Variants in AHCYL2 observed in about 807,000 individuals in gnomAD.
The protein encoded by AHCYL2 is S-adenosylhomocysteine hydrolase-like protein 2.
Under a neutral mutation model 81.4 loss-of-function variants are expected in AHCYL2, and 28 were observed. The ratio of observed to expected loss-of-function variants is 0.34; its 90% CI spans 0.25 to 0.47. The LOEUF (loss-of-function observed/expected upper bound fraction) is 0.47. AHCYL2 is among the 20% of genes least tolerant of loss of function. AHCYL2 has a pLI of 1.00. For missense variants in AHCYL2, 551 were observed against 785.1 expected (o/e 0.70, Z 3.56); for synonymous variants, 272 against 290.2 (o/e 0.94, Z 0.64).
chr7:129,225,460 C>T (rs759331688), intron 1 of AHCYL2, 21 bp downstream of exon 1: 1 of 1,490,180 alleles, frequency 6.7e-7, no homozygotes, highest in African/African-American at 1.4e-5. Context: ...CGGGCTGCCT[C>T]TCTAGGAGAG....
At chr7:129,276,374 C>T (rs901730421) in intron 1 of AHCYL2, among the ~76,000 whole-genome samples, 1 of 151,000 alleles carries the variant, frequency 6.6e-6, no homozygotes. Context: ...TAGTATTTGA[C>T]TGAGAAGTTA....
chr7:129,295,623 A>G (rs569787144), intron 1 of AHCYL2, among the ~76,000 whole-genome samples: 23 of 152,340 alleles, frequency 1.5e-4, no homozygotes, highest in African/African-American at 4.6e-4. Flanking sequence ...TCAACAATCA[A>G]CATACAGTAG....
intron 4 of AHCYL2, among the ~76,000 whole-genome samples, chr7:129,392,058 C>T (rs1203363102): frequency 6.6e-6 from 1 of 151,878 alleles, no homozygotes; most frequent in Non-Finnish European, 1.5e-5. Flanking sequence ...TGTTTTTTAC[C>T]CTTAGGCTCA....
intron 1 of AHCYL2, among the ~76,000 whole-genome samples, chr7:129,304,465 T>C (rs547811327): frequency 5.1e-4 from 78 of 152,384 alleles, no homozygotes; most frequent in African/African-American, 1.6e-3. Flanking sequence ...ATCTGTCCGA[T>C]GCTGAAAATG....
chr7:129,290,177 T>C lies in AHCYL2; in HGVS notation c.363+64738T>C, dbSNP rs577105189. Among the ~76,000 whole-genome samples the C allele has an allele frequency of 1.6e-4, 24 of 152,272 alleles. 1 individual carries two copies. The East Asian group carries it at 1.9e-3, about 12-fold the overall frequency. ...TGCGTGGCTTTCAATAAATGTCAAA[T>C]GAATGAGTTGATATTCTGAGCAGCA... On this transcript the variant is annotated intron_variant, in intron 1 of 16. Coordinates refer to ENST00000325006, the MANE Select transcript of AHCYL2 (RefSeq NM_015328.4).
intron 10 of AHCYL2, among the ~76,000 whole-genome samples, chr7:129,407,338 C>G (rs1191858927): frequency 1.3e-5 from 2 of 152,062 alleles, no homozygotes; most frequent in Non-Finnish European, 2.9e-5. Context: ...GGTGACCCAG[C>G]AAGACCATGT....
intron 7 of AHCYL2, 105 bp from the exon 8 acceptor site, chr7:129,404,992 T>C (rs113500122): frequency 3.3e-6 from 2 of 613,702 alleles, no homozygotes; most frequent in African/African-American, 1.9e-5. Flanking sequence ...TCATGTCTCA[T>C]GGTCTCATGC....
intron 1 of AHCYL2, among the ~76,000 whole-genome samples, chr7:129,232,520 C>G (rs980689967): frequency 6.6e-6 from 1 of 152,174 alleles, no homozygotes; most frequent in African/African-American, 2.4e-5. Flanking sequence ...GGCCTAAACA[C>G]CATGCCTCAC....
intron 1 of AHCYL2, among the ~76,000 whole-genome samples, chr7:129,342,384 A>G (rs1333023907): frequency 1.3e-5 from 2 of 152,160 alleles, no homozygotes; most frequent in Non-Finnish European, 2.9e-5. Flanking sequence ...TTAAAAATAT[A>G]TGGGTAGGGA....
At chr7:129,327,546 A>T (rs1279920655) in intron 1 of AHCYL2, among the ~76,000 whole-genome samples, 1 of 152,098 alleles carries the variant, frequency 6.6e-6, no homozygotes, top group African/African-American at 2.4e-5. Flanking sequence ...GGCTTACTGC[A>T]ACCTCTGCCT....
At chr7:129,387,924 T>G (rs1041005099) in intron 2 of AHCYL2, among the ~76,000 whole-genome samples, 2 of 152,218 alleles carry the variant, frequency 1.3e-5, no homozygotes, top group African/African-American at 4.8e-5. Flanking sequence ...CCAAATGGTT[T>G]GTAGTGCCAT....
chr7:129,414,382 A>G (rs899987913), intron 12 of AHCYL2, among the ~76,000 whole-genome samples: 1 of 151,726 alleles, frequency 6.6e-6, no homozygotes, highest in Non-Finnish European at 1.5e-5. Context: ...CTTGGTACTA[A>G]TAAGTTGCCC....
intron 1 of AHCYL2, among the ~76,000 whole-genome samples, chr7:129,229,382 A>G (rs1333308076): frequency 6.6e-6 from 1 of 152,166 alleles, no homozygotes; most frequent in African/African-American, 2.4e-5. Context: ...AGGAGTTGTC[A>G]TAGGGGTTCT....
chr7:129,287,314 C>A (rs1040457678), intron 1 of AHCYL2, among the ~76,000 whole-genome samples: 1 of 152,192 alleles, frequency 6.6e-6, no homozygotes, highest in African/African-American at 2.4e-5. Flanking sequence ...GACCACTGTT[C>A]CCAAACTGTT....
chr7:129,309,608 T>G (rs1484316463), intron 1 of AHCYL2, among the ~76,000 whole-genome samples: 2 of 152,214 alleles, frequency 1.3e-5, no homozygotes, highest in African/African-American at 4.8e-5. Flanking sequence ...TTGTCACATA[T>G]AAATATCTTC....
At chr7:129,376,763 A>G (rs1396395749) in intron 1 of AHCYL2, among the ~76,000 whole-genome samples, 1 of 152,208 alleles carries the variant, frequency 6.6e-6, no homozygotes, top group African/African-American at 2.4e-5. Flanking sequence ...AGCATCTGAA[A>G]CACGGTTTAT....
chr7:129,253,972 A>G (rs1358011321), intron 1 of AHCYL2, among the ~76,000 whole-genome samples: 1 of 152,200 alleles, frequency 6.6e-6, no homozygotes, highest in Admixed American at 6.5e-5. Context: ...AAAAAGCTGA[A>G]CTTGAATTCT....
chr7:129,225,682 T>C (rs909459416), intron 1 of AHCYL2, among the ~76,000 whole-genome samples: 3 of 152,114 alleles, frequency 2.0e-5, no homozygotes, highest in Non-Finnish European at 2.9e-5. Context: ...CGCTCTCCCC[T>C]ACTACTTGGA....
chr7:129,344,100 G>A (rs934188836), intron 1 of AHCYL2, among the ~76,000 whole-genome samples: 26 of 152,146 alleles, frequency 1.7e-4, no homozygotes, highest in African/African-American at 6.0e-4. Context: ...TGCTAGAATG[G>A]CTAAAATTAA....
Sources: gnomAD v4.1 joint callset for allele counts (sites outside exome capture counted in the v4.1 genomes callset) on GRCh38, gnomAD v4.1.1 for gene constraint, MANE v1.5 for transcripts, NCBI Gene and HGNC (gene_info 2026-07-23, HGNC 2026-07-21) for gene names.